The following CNTNAP5 variants were observed in gnomAD, a reference collection of about 807,000 sequenced individuals.
CNTNAP5 encodes contactin associated protein family member 5.
Under a neutral mutation model 150.2 loss-of-function variants are expected in CNTNAP5, and 72 were observed. The observed-to-expected ratio is 0.48, with a 90% CI of 0.40 to 0.58. CNTNAP5 has a LOEUF of 0.58. Ranked by LOEUF, CNTNAP5 falls within the 20% of genes least tolerant of loss-of-function variation. The pLI, the probability that CNTNAP5 is intolerant of heterozygous loss-of-function variation, is 0.00. For synonymous variants in CNTNAP5, 672 were observed against 619.8 expected, an observed-to-expected ratio of 1.08 and a Z score of -1.25; for missense variants, 1,636 against 1,626.2, an observed-to-expected ratio of 1.01 and a Z score of -0.10.
intron 1 of CNTNAP5, among the ~76,000 whole-genome samples, chr2:124,156,049 C>G (rs779405722): frequency 6.6e-6 from 1 of 152,180 alleles, no homozygotes; most frequent in African/African-American, 2.4e-5. Context: ...AAAAAGGGTT[C>G]AGGGTGAGGG....
rs755413029 is a variant in CNTNAP5 at position 124,798,077 on chromosome 2, C to T, written c.2993-19C>T. Reference sequence around the variant, plus strand: ...ATCTAAAGGTTTCAATGTGTGCTCTCCCCTCTTATATTTTGCAGAGGTTTC... The same window carrying T: ...ATCTAAAGGTTTCAATGTGTGCTCTTCCCTCTTATATTTTGCAGAGGTTTC... On this transcript the variant is annotated intron_variant, in intron 18 of 23. Coordinates refer to ENST00000682447, the MANE Select transcript of CNTNAP5 (RefSeq NM_001367498.1). The T allele has an allele frequency of 1.3e-6, 2 of 1,573,106 alleles. No individual in the cohort carries two copies. Among genetic ancestry groups the T allele is most frequent in the Admixed American group, 1.8e-5 (1 of 55,486 alleles).
At chr2:124,212,685 C>A (rs1047215013) in intron 1 of CNTNAP5, among the ~76,000 whole-genome samples, 30 of 152,220 alleles carry the variant, frequency 2.0e-4, no homozygotes, top group African/African-American at 7.2e-4. Flanking sequence ...AGGCACAGTC[C>A]TCGACTTCTG....
chr2:124,096,915 G>A (rs1244868867), intron 1 of CNTNAP5, among the ~76,000 whole-genome samples: 1 of 151,892 alleles, frequency 6.6e-6, no homozygotes, highest in East Asian at 1.9e-4. Context: ...TGTTCCCCAG[G>A]CTAGTCTCAA....
chr2:124,743,661 A>T (rs182459715), intron 13 of CNTNAP5, among the ~76,000 whole-genome samples: 1 of 152,298 alleles, frequency 6.6e-6, no homozygotes, highest in East Asian at 1.9e-4. Flanking sequence ...TATATTTATG[A>T]TTCTGTGGTA....
chr2:124,288,602 T>C (rs1220537775), intron 3 of CNTNAP5, among the ~76,000 whole-genome samples: 1 of 152,214 alleles, frequency 6.6e-6, no homozygotes, highest in African/African-American at 2.4e-5. Flanking sequence ...CAGCATGCTT[T>C]GGATAATAAT....
chr2:124,536,024 T>C lies in CNTNAP5; in HGVS notation c.1649+8568T>C, dbSNP rs77219636. Among the ~76,000 whole-genome samples, 887 of 152,248 alleles carry C rather than the reference T, an allele frequency of 5.8e-3. 11 individuals are homozygous for C. Among genetic ancestry groups the C allele is most frequent in the African/African-American group, 0.02 (849 of 41,542 alleles). On this transcript the variant is annotated intron_variant, in intron 10 of 23. Transcript: ENST00000682447. ...TGCGCGGTAATACATATGTTTTAGT[T>C]CTTCTCTAAAATTGAAAGCCTTTAC...
chr2:124,249,989 GTGTA>G (rs71412787), intron 3 of CNTNAP5, among the ~76,000 whole-genome samples: 65,426 of 135,134 alleles, frequency 0.48, 14,062 homozygotes, highest in East Asian at 0.59. Context: ...GTGTGTGTGT[GTGTA>G]TGTGTTTCTT....
At chr2:124,743,031 G>C (rs1362516164) in intron 13 of CNTNAP5, among the ~76,000 whole-genome samples, 1 of 152,106 alleles carries the variant, frequency 6.6e-6, no homozygotes, top group African/African-American at 2.4e-5. Context: ...ACCGCGGAGA[G>C]ATATATATGT....
intron 3 of CNTNAP5, among the ~76,000 whole-genome samples, chr2:124,251,880 G>A (rs79653267): frequency 0.023 from 3,514 of 152,298 alleles, 37 homozygotes; most frequent in Admixed American, 0.032. Flanking sequence ...CTGTAAAACA[G>A]AGTAGAAAGA....
At chr2:124,059,315 T>A (rs17010787) in intron 1 of CNTNAP5, among the ~76,000 whole-genome samples, 1 of 152,216 alleles carries the variant, frequency 6.6e-6, no homozygotes, top group African/African-American at 2.4e-5. Flanking sequence ...TTGGCAAAGA[T>A]ATCACATTTC....
intron 3 of CNTNAP5, among the ~76,000 whole-genome samples, chr2:124,417,104 AT>A (rs1226913954): frequency 2.0e-5 from 3 of 151,180 alleles, no homozygotes; most frequent in Non-Finnish European, 4.4e-5. Flanking sequence ...TGCCCAGCTA[AT>A]TTTTTTGTAT....
chr2:124,224,468 G>C (rs183371376), intron 2 of CNTNAP5, among the ~76,000 whole-genome samples: 12 of 151,796 alleles, frequency 7.9e-5, no homozygotes, highest in African/African-American at 2.9e-4. Flanking sequence ...AATAAACCAT[G>C]TATATGTGAT....
chr2:124,484,795 A>G (rs1045135704), intron 7 of CNTNAP5, among the ~76,000 whole-genome samples: 3 of 152,236 alleles, frequency 2.0e-5, no homozygotes, highest in Admixed American at 6.5e-5. Context: ...AACTATGAAC[A>G]CATTTTACTT....
chr2:124,775,616 G>A (rs1171151412), intron 17 of CNTNAP5, among the ~76,000 whole-genome samples: 1 of 152,112 alleles, frequency 6.6e-6, no homozygotes, highest in African/African-American at 2.4e-5. Context: ...CCCTGTCATT[G>A]GAATGTGACA....
intron 13 of CNTNAP5, among the ~76,000 whole-genome samples, chr2:124,698,323 G>A (rs781190749): frequency 4.0e-5 from 6 of 151,056 alleles, no homozygotes; most frequent in Non-Finnish European, 7.4e-5. Flanking sequence ...CAGATACTCA[G>A]AGATGCAACT....
chr2:124,456,499 T>C (rs935035834), intron 6 of CNTNAP5, among the ~76,000 whole-genome samples: 31 of 152,064 alleles, frequency 2.0e-4, no homozygotes, highest in Admixed American at 1.7e-3. Flanking sequence ...ATTGCCAAAG[T>C]GACATACAAA....
chr2:124,222,069 A>G (rs1319170900), intron 2 of CNTNAP5, among the ~76,000 whole-genome samples: 1 of 152,124 alleles, frequency 6.6e-6, no homozygotes, highest in African/African-American at 2.4e-5. Flanking sequence ...AAATTACTTT[A>G]TAAAAAGCAC....
chr2:124,362,196 T>C (rs1276415028), intron 3 of CNTNAP5, among the ~76,000 whole-genome samples: 1 of 152,230 alleles, frequency 6.6e-6, no homozygotes, highest in Non-Finnish European at 1.5e-5. Flanking sequence ...CCCGCTGACC[T>C]GCGCCCACTG....
chr2:124,479,134 T>G (rs1389754049), intron 7 of CNTNAP5, among the ~76,000 whole-genome samples: 1 of 152,202 alleles, frequency 6.6e-6, no homozygotes, highest in Non-Finnish European at 1.5e-5. Flanking sequence ...CTATTCTTCC[T>G]CAAATCCTTT....
Sources: allele counts gnomAD v4.1 joint callset (sites outside exome capture counted in the v4.1 genomes callset), GRCh38; gene constraint gnomAD v4.1.1; transcripts MANE v1.5; gene names NCBI Gene and HGNC (gene_info 2026-07-23, HGNC 2026-07-21).